Variants in USP14 observed in about 807,000 individuals in gnomAD.
USP14 encodes ubiquitin specific peptidase 14, also known as ubiquitin carboxyl-terminal hydrolase 14.
USP14 carries 38 observed loss-of-function variants against 76.5 expected under a neutral mutation model. That is an observed-to-expected ratio of 0.50 (90% confidence interval 0.38 to 0.65). USP14 has a LOEUF of 0.65. USP14 is among the 30% of genes least tolerant of loss of function. The pLI is 0.00. For synonymous variants in USP14, 192 were observed against 191.7 expected, an observed-to-expected ratio of 1.00 and a Z score of -0.01; for missense variants, 467 against 586.5, an observed-to-expected ratio of 0.80 and a Z score of 2.10.
intron 5 of USP14, among the ~76,000 whole-genome samples, chr18:183,558 A>G (rs1909843702): frequency 6.6e-6 from 1 of 151,956 alleles, no homozygotes; most frequent in Admixed American, 6.6e-5. Context: ...AAATTTTTAT[A>G]ATTTTTATGT....
At chr18:175,639 T>C (rs1292175553) in intron 3 of USP14, among the ~76,000 whole-genome samples, 1 of 152,194 alleles carries the variant, frequency 6.6e-6, no homozygotes, top group South Asian at 2.1e-4. Flanking sequence ...TTGTGTCTCT[T>C]TTCATAAGAG....
rs1910759564 is a variant in USP14, at chr18:213,981, A to AGATAGAT, written c.*2698_*2704dup. 6.6e-6 allele frequency: 1 copy of AGATAGAT among 150,712 alleles called. No individual in the cohort carries two copies. 9.3% of individuals were successfully genotyped at this position (150,712 alleles called of 1,614,324 possible). On this transcript the variant is annotated 3_prime_UTR_variant, in exon 16 of 16. Transcript: ENST00000261601. ...AATGGACAAGATAGATAGATTAGAT[A>AGATAGAT]GATAGATAGATAGATAGATGATGAT...
intron 3 of USP14, among the ~76,000 whole-genome samples, chr18:171,025 A>AAAAATATAT (rs1327304974): frequency 6.3e-5 from 3 of 47,684 alleles, no homozygotes; most frequent in African/African-American, 2.6e-4. Context: ...AAAAAAAAAA[A>AAAAATATAT]ATATATATAT....
chr18:176,795 G>T (rs1909639879), intron 3 of USP14, among the ~76,000 whole-genome samples: 1 of 152,054 alleles, frequency 6.6e-6, no homozygotes, highest in Admixed American at 6.5e-5. Flanking sequence ...ATTAATTGTT[G>T]TTGTGGTATG....
At chr18:210,203 CTA>C (rs1910633194) in intron 14 of USP14, 172 bp downstream of exon 14, 1 of 695,474 alleles carries the variant, frequency 1.4e-6, no homozygotes, top group African/African-American at 1.8e-5. Flanking sequence ...GCATACAGTT[CTA>C]TGAGTAAGTT....
chr18:212,974 G>A lies in USP14; in HGVS notation c.*1690G>A, dbSNP rs532123901. The A allele has an allele frequency of 2.0e-5, 3 of 152,312 alleles. No homozygotes were observed. Among genetic ancestry groups the A allele is most frequent in the South Asian group, 2.1e-4 (1 of 4,832 alleles). 9.4% of individuals were successfully genotyped at this position (152,312 alleles called of 1,614,324 possible). A position where few individuals can be genotyped will look rare whatever the true frequency, so the allele number is the denominator to read the frequency against. ...ATGTGATGCAATCTGTGAACACTAG[G>A]AGGGGATAAAATAAGCATTGCAGGG... On this transcript the variant is annotated 3_prime_UTR_variant, in exon 16 of 16. Coordinates refer to ENST00000261601, the MANE Select transcript of USP14 (RefSeq NM_005151.4).
Position 214,366 on chromosome 18 carries a change from C to G in USP14, c.*3082C>G. ...ATATCCCTAAATAGTGCTTATTTAA[C>G]TTCATTATAAATACATCTACTTAAC... On this transcript the variant is annotated 3_prime_UTR_variant, in exon 16 of 16. Transcript: ENST00000261601. The G allele has an allele frequency of 2.7e-6, 1 of 364,368 alleles. No homozygotes were observed. Among genetic ancestry groups the G allele is most frequent in the Non-Finnish European group, 5.0e-6 (1 of 201,626 alleles). The allele number at this position is 364,368 out of a possible 1,614,324, so 22.6% of individuals were successfully genotyped here.
rs373649012 is a variant in USP14 at position 198,165 on chromosome 18, C to G, written c.761+33C>G. 5 of 1,514,458 alleles carry G rather than the reference C, an allele frequency of 3.3e-6. No individual in the cohort carries two copies. In the Admixed American group the frequency reaches 7.6e-5, roughly 23 times the overall value. The allele number at this position is 1,514,458 out of a possible 1,614,324, so 93.8% of individuals were successfully genotyped here. ...TATGAGCCAAGATATAGACTATACT[C>G]ATACCTTATTAGAATTGGCATAAAT... On this transcript the variant is annotated intron_variant, in intron 9 of 15. Transcript: ENST00000261601.
At chr18:194,223 TAAC>T (rs1449121752) in intron 6 of USP14, among the ~76,000 whole-genome samples, 1 of 152,244 alleles carries the variant, frequency 6.6e-6, no homozygotes, top group Non-Finnish European at 1.5e-5. Flanking sequence ...GATTTTACTC[TAAC>T]TTTTTTTCCT....
chr18:187,074 T>C (rs1159882224), intron 5 of USP14, among the ~76,000 whole-genome samples: 6 of 152,166 alleles, frequency 3.9e-5, no homozygotes, highest in African/African-American at 1.4e-4. Flanking sequence ...ATGTAAAATA[T>C]TATAATGATA....
Position 204,703 on chromosome 18 carries a change from A to G in USP14, c.1164+11A>G, listed in dbSNP as rs769282071. ...CAGCAGCCAAATACAGTAGGTTCTT[A>G]CTGCTGACTTTATACTCTTAATATC... On this transcript the variant is annotated intron_variant, in intron 13 of 15. Transcript: ENST00000261601. 2.5e-6 allele frequency: 4 copies of G among 1,608,794 alleles called. No homozygotes were observed. In the Admixed American group the frequency reaches 5.1e-5, roughly 21 times the overall value.
At position 204,485 on chromosome 18, in the gene USP14, A is replaced by G; in HGVS notation, c.1036-79A>G. The G allele has an allele frequency of 3.4e-6, 4 of 1,183,278 alleles. No homozygotes were observed. The South Asian group carries it at 7.4e-5, about 22-fold the overall frequency. 73.3% of individuals were successfully genotyped at this position (1,183,278 alleles called of 1,614,324 possible). ...TCAACTGTATCTGAATTATGAAAGC[A>G]TTACTTCAGATATGTGATACTTTAA... On this transcript the variant is annotated intron_variant, in intron 12 of 15. Transcript: ENST00000261601.
chr18:196,478 C>T lies in USP14; in HGVS notation c.464-159C>T, dbSNP rs535298613. On this transcript the variant is annotated intron_variant, in intron 6 of 15. Coordinates refer to ENST00000261601, the MANE Select transcript of USP14 (RefSeq NM_005151.4). ...GGCGGAGGTTGCGGTGAGCCGAGAT[C>T]GCGCCACTGCACTCCAGCCTGGGCA... is the stretch of plus-strand genomic sequence containing the variant. 3.5e-5 allele frequency: 21 copies of T among 606,768 alleles called. No homozygotes were observed. In the East Asian group the frequency reaches 5.4e-4, roughly 16 times the overall value. The allele number at this position is 606,768 out of a possible 1,614,324, so 37.6% of individuals were successfully genotyped here.
At chr18:173,402 T>C (rs147189013) in intron 3 of USP14, among the ~76,000 whole-genome samples, 3,766 of 142,724 alleles carry the variant, frequency 0.026, 59 homozygotes, top group Middle Eastern at 0.074. Flanking sequence ...TGAGCCACCA[T>C]GCCCGGCCTA....
intron 3 of USP14, among the ~76,000 whole-genome samples, chr18:171,026 ATATATATAT>A (rs1429410102): frequency 4.6e-4 from 14 of 30,742 alleles, no homozygotes; most frequent in African/African-American, 1.4e-3. Context: ...AAAAAAAAAA[ATATATATAT>A]ATATATATAT....
chr18:213,622 G>C lies in USP14; in HGVS notation c.*2338G>C, dbSNP rs1910742064. ...AGTTGTGCTAGATTACTGCTTGACT[G>C]ACTAGCTAGGTTAGGCCTAAGAGTG... is the stretch of plus-strand genomic sequence containing the variant. On this transcript the variant is annotated 3_prime_UTR_variant, in exon 16 of 16. Coordinates refer to ENST00000261601, the MANE Select transcript of USP14 (RefSeq NM_005151.4). 1 of 152,502 alleles carries C rather than the reference G, an allele frequency of 6.6e-6. No homozygotes were observed. The allele number at this position is 152,502 out of a possible 1,614,324, so 9.4% of individuals were successfully genotyped here.
intron 5 of USP14, among the ~76,000 whole-genome samples, chr18:182,068 T>A (rs1278001666): frequency 6.6e-6 from 1 of 152,194 alleles, no homozygotes; most frequent in South Asian, 2.1e-4. Flanking sequence ...TCTTTTCCAT[T>A]TATATATATG....
In USP14 at chr18:175,337, GC is replaced by G. The variant is rs1909598089; in HGVS notation, c.196-3594del. On this transcript the variant is annotated intron_variant, in intron 3 of 15. Coordinates refer to ENST00000261601, the MANE Select transcript of USP14 (RefSeq NM_005151.4). ...GAAGTGGTTGATAGTGGACATCATTGCCTTTTTCCTGACCTTAGGGGAAAAG... is the reference window on the plus strand; with the variant it reads ...GAAGTGGTTGATAGTGGACATCATTGCTTTTTCCTGACCTTAGGGGAAAAG... Among the ~76,000 whole-genome samples the G allele has an allele frequency of 5.3e-5, 8 of 152,138 alleles. No homozygotes were observed. In the South Asian group the frequency reaches 1.7e-3, roughly 32 times the overall value.
intron 4 of USP14, among the ~76,000 whole-genome samples, chr18:179,550 A>G (rs1194186318): frequency 6.9e-6 from 1 of 144,334 alleles, no homozygotes; most frequent in Non-Finnish European, 1.5e-5. Context: ...GCATTTATTT[A>G]GTGCCATTCA....
Sources: gnomAD v4.1 joint callset for allele counts (sites outside exome capture counted in the v4.1 genomes callset) on GRCh38, gnomAD v4.1.1 for gene constraint, MANE v1.5 for transcripts, NCBI Gene and HGNC (gene_info 2026-07-23, HGNC 2026-07-21) for gene names.